The following TNIK variants were observed in gnomAD, a reference collection of about 807,000 sequenced individuals.
TNIK encodes TRAF2 and NCK-interacting protein kinase.
A neutral mutation model predicts 191.3 loss-of-function variants in TNIK; 49 were observed. The observed-to-expected ratio is 0.26, with a 90% CI of 0.20 to 0.32. TNIK has a LOEUF of 0.32. TNIK is among the 10% of genes least tolerant of loss of function. The probability of loss-of-function intolerance (pLI) is 1.00; values close to 1 mark genes in which losing one functional copy is unlikely to be tolerated. For missense variants in TNIK, 1,155 were observed against 1,702.3 expected (o/e 0.68, Z 5.66); for synonymous variants, 594 against 600.9 (o/e 0.99, Z 0.17).
chr3:171,383,010 A>G (rs1216953482), intron 1 of TNIK, among the ~76,000 whole-genome samples: 1 of 152,112 alleles, frequency 6.6e-6, no homozygotes. Context: ...TATTTTGCAA[A>G]GGTTATTTTA....
chr3:171,115,169 A>C (rs1726476668), intron 18 of TNIK, among the ~76,000 whole-genome samples: 1 of 152,246 alleles, frequency 6.6e-6, no homozygotes. Flanking sequence ...ATTACAAAAA[A>C]ATAAATAAAA....
intron 1 of TNIK, among the ~76,000 whole-genome samples, chr3:171,457,348 T>C (rs1157160271): frequency 6.6e-6 from 1 of 152,196 alleles, no homozygotes; most frequent in Non-Finnish European, 1.5e-5. Flanking sequence ...AGACAGGATC[T>C]GCTTTTAATG....
chr3:171,405,950 C>T (rs1721613258), intron 1 of TNIK, among the ~76,000 whole-genome samples: 1 of 151,988 alleles, frequency 6.6e-6, no homozygotes, highest in Admixed American at 6.6e-5. Context: ...TGTCTAAGTC[C>T]CCAGAAGAAT....
chr3:171,245,080 T>C (rs1035361519), intron 2 of TNIK, among the ~76,000 whole-genome samples: 2 of 152,132 alleles, frequency 1.3e-5, no homozygotes, highest in Non-Finnish European at 2.9e-5. Context: ...AAGCAAATGA[T>C]TGGAAAAAAG....
rs561481825 is a variant in TNIK at position 171,199,766 on chromosome 3, C to T, written c.307-5131G>A. On this transcript the variant is annotated intron_variant, in intron 4 of 32. Transcript: ENST00000436636. ...ATAAAATACAAAATAAAAGCATCAA[C>T]CTTACAGGTTTGATGTGAACATTAA... is the stretch of plus-strand genomic sequence containing the variant. 7.9e-5 allele frequency among the ~76,000 whole-genome samples: 12 copies of T among 152,342 alleles called. No homozygotes were observed. The South Asian group carries it at 2.5e-3, about 32-fold the overall frequency.
chr3:171,436,712 G>T (rs1250727110), intron 1 of TNIK, among the ~76,000 whole-genome samples: 1 of 152,170 alleles, frequency 6.6e-6, no homozygotes, highest in South Asian at 2.1e-4. Context: ...TGCCAAAAAC[G>T]TTCTGGCTAA....
intron 2 of TNIK, among the ~76,000 whole-genome samples, chr3:171,241,035 C>CTT (rs113654211): frequency 0.017 from 2,456 of 142,628 alleles, 66 homozygotes; most frequent in African/African-American, 0.06. Context: ...TTTTTCTTTT[C>CTT]TTTTTTTTTT....
intron 2 of TNIK, among the ~76,000 whole-genome samples, chr3:171,358,233 T>G (rs1449987161): frequency 6.6e-6 from 1 of 152,234 alleles, no homozygotes; most frequent in Non-Finnish European, 1.5e-5. Flanking sequence ...TGTATTAGTC[T>G]GTTTTTGCAC....
intron 1 of TNIK, among the ~76,000 whole-genome samples, chr3:171,445,915 C>T (rs371741582): frequency 6.6e-6 from 1 of 152,088 alleles, no homozygotes; most frequent in East Asian, 1.9e-4. Flanking sequence ...TAGAGAGGGA[C>T]CTCATTTTAA....
At chr3:171,067,942 A>G (rs1718679380) in intron 30 of TNIK, among the ~76,000 whole-genome samples, 2 of 152,210 alleles carry the variant, frequency 1.3e-5, no homozygotes, top group Admixed American at 1.3e-4. Context: ...GTGTGTGTGT[A>G]TGTAATATAC....
chr3:171,312,145 C>CATATCTGATTT (rs1754107165), intron 2 of TNIK, among the ~76,000 whole-genome samples: 6 of 84,758 alleles, frequency 7.1e-5, no homozygotes, highest in Non-Finnish European at 1.2e-4. Context: ...AAAAAAAGGG[C>CATATCTGATTT]TAGACTGGCA....
At chr3:171,129,552 C>T (rs1276299969) in intron 15 of TNIK, among the ~76,000 whole-genome samples, 4 of 152,184 alleles carry the variant, frequency 2.6e-5, no homozygotes, top group Non-Finnish European at 5.9e-5. Flanking sequence ...ACTCCACTGT[C>T]TTGCTCTCCC....
chr3:171,129,775 C>T (rs1728996991), intron 15 of TNIK, among the ~76,000 whole-genome samples: 1 of 152,186 alleles, frequency 6.6e-6, no homozygotes, highest in African/African-American at 2.4e-5. Context: ...GTCATCATTA[C>T]CTTTAGTACA....
intron 15 of TNIK, among the ~76,000 whole-genome samples, chr3:171,132,346 T>C (rs1729425877): frequency 1.3e-5 from 2 of 152,172 alleles, no homozygotes; most frequent in East Asian, 3.8e-4. Context: ...TTGGAGAAGT[T>C]TGGATCACCT....
intron 2 of TNIK, among the ~76,000 whole-genome samples, chr3:171,341,709 G>C (rs1577548020): frequency 6.6e-6 from 1 of 152,178 alleles, no homozygotes; most frequent in South Asian, 2.1e-4. Context: ...ATCAGGCACT[G>C]GTCTACGCAG....
rs1257823893 is a variant in TNIK at position 171,140,448 on chromosome 3, T to A, written c.1283A>T (p.Glu428Val). ...QQEREQRRHY[E>V]EQMRREEERR... ...CTCCTCCTCCCGGCGCATCTGCTCCTCATAGTGCCGGCGCTGCTCCCTCTC... is the reference window on the plus strand; with the variant it reads ...CTCCTCCTCCCGGCGCATCTGCTCCACATAGTGCCGGCGCTGCTCCCTCTC... Residue 428 changes from glutamate to valine, a missense_variant, in exon 13 of 33, where the codon GAG becomes GTG. By Grantham distance (121) the Glu-to-Val change is moderately radical. Transcript: ENST00000436636. 1 of 1,611,994 alleles carries A rather than the reference T, an allele frequency of 6.2e-7. No homozygotes were observed. The highest frequency in any genetic ancestry group is 8.5e-7 in the Non-Finnish European group (1 of 1,179,138).
At position 171,140,439 on chromosome 3, in the gene TNIK, A is replaced by G. The variant is rs1394182329; in HGVS notation, c.1292T>C (p.Met431Thr). Residue 431 changes from methionine to threonine, a missense_variant, in exon 13 of 33, where the codon ATG becomes ACG. Coordinates refer to ENST00000436636, the MANE Select transcript of TNIK (RefSeq NM_015028.4). Reference sequence around the variant, plus strand: ...ACGCCTCCTCTCCTCCTCCCGGCGCATCTGCTCCTCATAGTGCCGGCGCTG... The same window carrying G: ...ACGCCTCCTCTCCTCCTCCCGGCGCGTCTGCTCCTCATAGTGCCGGCGCTG... Reference protein sequence around the residue: ...REQRRHYEEQMRREEERRRAE... With the variant: ...REQRRHYEEQTRREEERRRAE... 2.5e-6 allele frequency: 4 copies of G among 1,610,912 alleles called. No homozygotes were observed. Among genetic ancestry groups the G allele is most frequent in the Non-Finnish European group, 2.5e-6 (3 of 1,178,646 alleles).
chr3:171,084,170 A>C lies in TNIK; in HGVS notation c.3154T>G (p.Cys1052Gly). 3.7e-6 allele frequency: 6 copies of C among 1,612,156 alleles called. No homozygotes were observed. Among genetic ancestry groups the C allele is most frequent in the Non-Finnish European group, 5.1e-6 (6 of 1,179,324 alleles). The change falls in exon 26 of 33, where the codon TGT becomes GGT. Residue 1052 changes from cysteine to glycine, a missense_variant. By Grantham distance (159) the Cys-to-Gly change is radical. Around this residue, in one of 3 missense-constraint regions of TNIK, gnomAD observed 195 missense variants for 415.4 expected, o/e 0.47. Coordinates refer to ENST00000436636, the MANE Select transcript of TNIK (RefSeq NM_015028.4). ...YKKRFNSEIL[C>G]AALWGVNLLV... ...ACCAACATACCCCACAGAGCTGCACAAAGTATTTCTGAGTTGAATCGTTTC... is the reference window on the plus strand; with the variant it reads ...ACCAACATACCCCACAGAGCTGCACCAAGTATTTCTGAGTTGAATCGTTTC...
At chr3:171,071,143 T>C in intron 29 of TNIK, 80 bp downstream of exon 29, 1 of 1,044,392 alleles carries the variant, frequency 9.6e-7, no homozygotes, top group South Asian at 1.7e-5. Context: ...TTGGTATTGG[T>C]CTATATGGAC....
Sources: allele counts gnomAD v4.1 joint callset (sites outside exome capture counted in the v4.1 genomes callset), GRCh38; gene constraint gnomAD v4.1.1; regional missense constraint gnomAD v4.1.1; transcripts MANE v1.5; gene names NCBI Gene and HGNC (gene_info 2026-07-23, HGNC 2026-07-21).